The following DNAJB5 variants were observed in gnomAD, a reference collection of about 807,000 sequenced individuals.
DNAJB5 encodes DnaJ heat shock protein family (Hsp40) member B5.
DNAJB5 carries 12 observed loss-of-function variants against 32.6 expected under a neutral mutation model. That is an observed-to-expected ratio of 0.37 (90% CI 0.24 to 0.60). The LOEUF is 0.60. Ranked by LOEUF, DNAJB5 falls within the 20% of genes least tolerant of loss-of-function variation. The pLI is 0.71. For missense variants in DNAJB5, 358 were observed against 554.2 expected, an observed-to-expected ratio of 0.65 and a Z score of 3.55; for synonymous variants, 188 against 212.9, an observed-to-expected ratio of 0.88 and a Z score of 1.02.
In DNAJB5 at chr9:34,996,173, A is replaced by C; in HGVS notation, c.428-92A>C. On this transcript the variant is annotated intron_variant, in intron 3 of 4. Coordinates refer to ENST00000682809, the MANE Select transcript of DNAJB5 (RefSeq NM_001349723.3). The surrounding 1 kb of genome is among the most constrained non-coding windows in gnomAD (Gnocchi z 7.2). ...GATTTAAAGGTTGCTTCTTTCTTTAAGCCTGTGAACTGGGAGCTAGAGGGC... is the reference window on the plus strand; with the variant it reads ...GATTTAAAGGTTGCTTCTTTCTTTACGCCTGTGAACTGGGAGCTAGAGGGC... 1 of 1,506,226 alleles carries C rather than the reference A, an allele frequency of 6.6e-7. No homozygotes were observed. Among genetic ancestry groups the C allele is most frequent in the Non-Finnish European group, 8.9e-7 (1 of 1,128,692 alleles). 93.3% of individuals were successfully genotyped at this position (1,506,226 alleles called of 1,614,324 possible).
At position 34,990,945 on chromosome 9, in the gene DNAJB5, G is replaced by A. The variant is rs962854972; in HGVS notation, c.182+133G>A. On this transcript the variant is annotated intron_variant, in intron 2 of 4. Coordinates refer to ENST00000682809, the MANE Select transcript of DNAJB5 (RefSeq NM_001349723.3). The surrounding 1 kb of genome is among the most constrained non-coding windows in gnomAD (Gnocchi z 4.5). ...TGTGACATACAGGAACCCCCCTCCG[G>A]CCTCACCCACATATTTGAATGAATT... 9.8e-5 allele frequency: 88 copies of A among 897,374 alleles called. No individual in the cohort carries two copies. Among genetic ancestry groups the A allele is most frequent in the Non-Finnish European group, 1.3e-4 (79 of 606,664 alleles). The allele number at this position is 897,374 out of a possible 1,614,324, so 55.6% of individuals were successfully genotyped here. A position where few individuals can be genotyped will look rare whatever the true frequency, so the allele number is the denominator to read the frequency against.
chr9:34,991,020 C>G (rs1827614075), intron 2 of DNAJB5: 1 of 597,250 alleles, frequency 1.7e-6, no homozygotes, highest in East Asian at 2.8e-5. Context: ...CCATTTTCCA[C>G]AGACATTTCC....
At position 34,996,217 on chromosome 9, in the gene DNAJB5, T is replaced by C. The variant is rs200215368; in HGVS notation, c.428-48T>C. 21 of 1,571,568 alleles carry C rather than the reference T, an allele frequency of 1.3e-5. No individual in the cohort carries two copies. The highest frequency in any genetic ancestry group is 1.8e-5 in the Admixed American group (1 of 56,046). On this transcript the variant is annotated intron_variant, in intron 3 of 4. Coordinates refer to ENST00000682809, the MANE Select transcript of DNAJB5 (RefSeq NM_001349723.3). This position sits in a 1 kb window ranked among gnomAD's most constrained non-coding sequence, Gnocchi z 7.2. The stretch of plus-strand genomic sequence containing the variant: ...AGAGGGCAGGGGGAAGACACTGGGA[T>C]TGGGGCCAGAATAAGCCACACTGCC...
chr9:34,996,948 T>TC lies in DNAJB5; in HGVS notation c.1030-74dup. On this transcript the variant is annotated intron_variant, in intron 4 of 4. Coordinates refer to ENST00000682809, the MANE Select transcript of DNAJB5 (RefSeq NM_001349723.3). This position sits in a 1 kb window ranked among gnomAD's most constrained non-coding sequence, Gnocchi z 7.2. ...TCTTCCCGCCAGCTGGCACATTCTT[T>TC]CCCCACCTCAGTCTATTTCCTTCCT... is the stretch of plus-strand genomic sequence containing the variant. 1 of 1,590,738 alleles carries TC rather than the reference T, an allele frequency of 6.3e-7. No individual in the cohort carries two copies. The highest frequency in any genetic ancestry group is 2.2e-5 in the East Asian group (1 of 44,666).
chr9:34,992,271 T>A (rs1242546016), intron 2 of DNAJB5: 1 of 152,272 alleles, frequency 6.6e-6, no homozygotes. Flanking sequence ...ATGGGTCTGA[T>A]GATGGGCCGG....
chr9:34,990,356 G>A lies in DNAJB5; in HGVS notation c.-132-143G>A. 6.0e-6 allele frequency: 9 copies of A among 1,495,758 alleles called. No individual in the cohort carries two copies. The highest frequency in any genetic ancestry group is 8.0e-6 in the Non-Finnish European group (9 of 1,122,564). The allele number at this position is 1,495,758 out of a possible 1,614,324, so 92.7% of individuals were successfully genotyped here. ...AATCACACCTGTCACAGGTATACAC[G>A]CTGCCACTCACAAACACACGCTTGC... On this transcript the variant is annotated intron_variant, in intron 1 of 4. Transcript: ENST00000682809. This position sits in a 1 kb window ranked among gnomAD's most constrained non-coding sequence, Gnocchi z 4.5.
chr9:34,990,782 C>T lies in DNAJB5; in HGVS notation c.152C>T (p.Ala51Val). 1.3e-6 allele frequency: 2 copies of T among 1,551,572 alleles called. No homozygotes were observed. The highest frequency in any genetic ancestry group is 1.7e-6 in the Non-Finnish European group (2 of 1,146,918). The stretch of plus-strand genomic sequence containing the variant: ...CAGCTGGAGCCCTTAAAACTTCGAG[C>T]GTGGACGCTGAATGGGTTTGTAAAG... ...KIQLEPLKLRAWTLNGFVKFR... is the reference protein window; with the variant it reads ...KIQLEPLKLRVWTLNGFVKFR... Residue 51 changes from alanine (A) to valine (V), a missense_variant, in exon 2 of 5, where the codon GCG becomes GTG. Ala to Val is a moderately conservative substitution (Grantham distance 64, BLOSUM62 0). Around this residue, in one of 2 missense-constraint regions of DNAJB5, gnomAD observed 110 missense variants for 111.7 expected, o/e 0.99. Coordinates refer to ENST00000682809, the MANE Select transcript of DNAJB5 (RefSeq NM_001349723.3). The surrounding 1 kb of genome is among the most constrained non-coding windows in gnomAD (Gnocchi z 4.5).
rs1288217633 is a variant in DNAJB5, at chr9:34,997,340, C to A, written c.*81C>A. The A allele has an allele frequency of 7.0e-7, 1 of 1,424,972 alleles. No individual in the cohort carries two copies. The highest frequency in any genetic ancestry group is 9.9e-7 in the Non-Finnish European group (1 of 1,009,116). The allele number at this position is 1,424,972 out of a possible 1,614,324, so 88.3% of individuals were successfully genotyped here. A position where few individuals can be genotyped will look rare whatever the true frequency, so the allele number is the denominator to read the frequency against. ...ACTCAATGTGCACCCAGCTTGATGTCCACTGGACACTGGCAACTTTTTCTA... is the reference window on the plus strand; with the variant it reads ...ACTCAATGTGCACCCAGCTTGATGTACACTGGACACTGGCAACTTTTTCTA... On this transcript the variant is annotated 3_prime_UTR_variant, in exon 5 of 5. Transcript: ENST00000682809. The surrounding 1 kb of genome is among the most constrained non-coding windows in gnomAD (Gnocchi z 4.1).
At chr9:34,995,721 G>C (rs1180027395) in intron 3 of DNAJB5, among the ~76,000 whole-genome samples, 1 of 152,168 alleles carries the variant, frequency 6.6e-6, no homozygotes, top group Non-Finnish European at 1.5e-5. Context: ...GTTTGAGCAG[G>C]GGCCAGGGAA....
rs1020048941 is a variant in DNAJB5 at position 34,996,647 on chromosome 9, C to T, written c.810C>T (p.Asn270=). 3.1e-6 allele frequency: 5 copies of T among 1,614,040 alleles called. No homozygotes were observed. The African/African-American group carries it at 6.7e-5, about 22-fold the overall frequency. The part of the protein sequence containing the change: ...KRMKITRRRL[N]PDGRTVRTED... Reference sequence around the variant, plus strand: ...TGAAGATCACAAGGCGTCGCCTCAACCCTGATGGGCGAACTGTGCGCACCG... The same window carrying T: ...TGAAGATCACAAGGCGTCGCCTCAATCCTGATGGGCGAACTGTGCGCACCG... The change falls in exon 4 of 5, where the codon AAC becomes AAT. Residue 270 remains asparagine (N), a synonymous_variant. Coordinates refer to ENST00000682809, the MANE Select transcript of DNAJB5 (RefSeq NM_001349723.3). This position sits in a 1 kb window ranked among gnomAD's most constrained non-coding sequence, Gnocchi z 7.2.
intron 3 of DNAJB5, among the ~76,000 whole-genome samples, chr9:34,995,025 CCTCT>C (rs923947259): frequency 2.0e-5 from 3 of 152,230 alleles, no homozygotes; most frequent in Admixed American, 2.0e-4. Flanking sequence ...AGCCTCCCTC[CCTCT>C]CTCACTGAGC....
chr9:34,991,815 A>C, intron 2 of DNAJB5: 2 of 195,982 alleles, frequency 1.0e-5, no homozygotes, highest in Non-Finnish European at 2.1e-5. Context: ...GAGAAAGGTG[A>C]CTCCCAGAAC....
chr9:34,996,622 T>A lies in DNAJB5; in HGVS notation c.785T>A (p.Met262Lys). ...EEIYHGSTKR[M>K]KITRRRLNPD... The stretch of plus-strand genomic sequence containing the variant: ...ATCTACCATGGCTCCACCAAGCGCA[T>A]GAAGATCACAAGGCGTCGCCTCAAC... Residue 262 changes from methionine (M) to lysine (K), a missense_variant, in exon 4 of 5, where the codon ATG (methionine) becomes AAG (lysine). Met to Lys is a moderately conservative substitution (Grantham distance 95, BLOSUM62 -1). Coordinates refer to ENST00000682809, the MANE Select transcript of DNAJB5 (RefSeq NM_001349723.3). The surrounding 1 kb of genome is among the most constrained non-coding windows in gnomAD (Gnocchi z 7.2). 6.2e-7 allele frequency: 1 copy of A among 1,614,086 alleles called. No homozygotes were observed. The highest frequency in any genetic ancestry group is 8.5e-7 in the Non-Finnish European group (1 of 1,180,012).
At position 34,995,881 on chromosome 9, in the gene DNAJB5, G is replaced by A. The variant is rs572655894; in HGVS notation, c.428-384G>A. ...CTATATGTCTTTGGAGATAAGCAAAGATTTGGGAACCAAGTATCACTTGTA... is the reference window on the plus strand; with the variant it reads ...CTATATGTCTTTGGAGATAAGCAAAAATTTGGGAACCAAGTATCACTTGTA... On this transcript the variant is annotated intron_variant, in intron 3 of 4. Coordinates refer to ENST00000682809, the MANE Select transcript of DNAJB5 (RefSeq NM_001349723.3). Among the ~76,000 whole-genome samples, 10 of 152,322 alleles carry A rather than the reference G, an allele frequency of 6.6e-5. 1 individual carries two copies. In the East Asian group the frequency reaches 1.9e-3, roughly 29 times the overall value.
rs1286151393 is a variant in DNAJB5 at position 34,993,505 on chromosome 9, C to A, written c.427+61C>A. 3 of 1,558,996 alleles carry A rather than the reference C, an allele frequency of 1.9e-6. No individual in the cohort carries two copies. In the Admixed American group the frequency reaches 6.1e-5, roughly 32 times the overall value. On this transcript the variant is annotated intron_variant, in intron 3 of 4. Transcript: ENST00000682809. The surrounding 1 kb of genome is among the most constrained non-coding windows in gnomAD (Gnocchi z 4.7). Reference sequence around the variant, plus strand: ...CTCCGCTTGGTAGGGGTCCCAGGTGCACCAGTTTGTGTAGCGGGGAACTGG... The same window carrying A: ...CTCCGCTTGGTAGGGGTCCCAGGTGAACCAGTTTGTGTAGCGGGGAACTGG...
chr9:34,991,415 A>T (rs1022539164), intron 2 of DNAJB5: 1 of 456,150 alleles, frequency 2.2e-6, no homozygotes, highest in East Asian at 7.0e-5. Flanking sequence ...AGCAGCTAGC[A>T]GGTGGGTACC....
intron 2 of DNAJB5, chr9:34,991,206 T>G: frequency 2.4e-6 from 1 of 418,134 alleles, no homozygotes. Context: ...CCATTTTTCC[T>G]TCCTGCCTCT....
rs1365019270 is a variant in DNAJB5, at chr9:34,993,012, G to T, written c.183-188G>T. 1.4e-6 allele frequency: 2 copies of T among 1,420,102 alleles called. No individual in the cohort carries two copies. The highest frequency in any genetic ancestry group is 1.4e-5 in the African/African-American group (1 of 69,400). 88.0% of individuals were successfully genotyped at this position (1,420,102 alleles called of 1,614,324 possible). ...GTGAGGACGGAATCACAGAATTCTAGAATGTCAGAGCCAGAAGAGATCATC... is the reference window on the plus strand; with the variant it reads ...GTGAGGACGGAATCACAGAATTCTATAATGTCAGAGCCAGAAGAGATCATC... On this transcript the variant is annotated intron_variant, in intron 2 of 4. Coordinates refer to ENST00000682809, the MANE Select transcript of DNAJB5 (RefSeq NM_001349723.3). The surrounding 1 kb of genome is among the most constrained non-coding windows in gnomAD (Gnocchi z 4.7).
In DNAJB5 at chr9:34,998,240, A is replaced by C. The variant is rs938761110; in HGVS notation, c.*981A>C. On this transcript the variant is annotated 3_prime_UTR_variant, in exon 5 of 5. Coordinates refer to ENST00000682809, the MANE Select transcript of DNAJB5 (RefSeq NM_001349723.3). The stretch of plus-strand genomic sequence containing the variant: ...TTTCCAGCCCTTTTATGCCTGTGTG[A>C]TCCCACCCCACCCCCATAGTTGTAT... The C allele has an allele frequency of 6.6e-6, 1 of 152,354 alleles. No homozygotes were observed. Among genetic ancestry groups the C allele is most frequent in the Non-Finnish European group, 1.5e-5 (1 of 67,978 alleles). 9.4% of individuals were successfully genotyped at this position (152,354 alleles called of 1,614,324 possible). A position where few individuals can be genotyped will look rare whatever the true frequency, so the allele number is the denominator to read the frequency against.
Sources: gnomAD v4.1 joint callset for allele counts (sites outside exome capture counted in the v4.1 genomes callset) on GRCh38, gnomAD v4.1.1 for gene constraint, gnomAD v4.1.1 regional missense constraint, Gnocchi (gnomAD v3.1) non-coding constraint, MANE v1.5 for transcripts, NCBI Gene and HGNC (gene_info 2026-07-23, HGNC 2026-07-21) for gene names.